The following RAB27B variants were observed in gnomAD, a reference collection of about 807,000 sequenced individuals.
RAB27B encodes the protein RAB27B, member RAS oncogene family.
RAB27B carries 15 observed loss-of-function variants against 24.6 expected under a neutral mutation model. The observed-to-expected ratio is 0.61, with a 90% CI of 0.41 to 0.94. The LOEUF is 0.94. Ranked by LOEUF, RAB27B falls within the 40% of genes least tolerant of loss-of-function variation. The pLI is 0.00. For synonymous variants in RAB27B, 105 were observed against 92.5 expected (o/e 1.14, Z -0.78); for missense variants, 261 against 266.8 (o/e 0.98, Z 0.15).
chr18:54,831,040 T>G (rs1171575714), intron 1 of RAB27B, among the ~76,000 whole-genome samples: 10 of 152,170 alleles, frequency 6.6e-5, no homozygotes, highest in Admixed American at 4.6e-4. Context: ...CTTGTAGAGC[T>G]TATCTTTTAC....
intron 2 of RAB27B, among the ~76,000 whole-genome samples, chr18:54,761,515 C>T (rs1206349422): frequency 6.6e-6 from 1 of 152,116 alleles, no homozygotes; most frequent in Non-Finnish European, 1.5e-5. Flanking sequence ...GGAAATGTTA[C>T]CCTACTTCCC....
At chr18:54,789,577 A>G (rs4801073) in intron 2 of RAB27B, among the ~76,000 whole-genome samples, 68,912 of 151,892 alleles carry the variant, frequency 0.45, 17,465 homozygotes, top group Middle Eastern at 0.59. Flanking sequence ...TTACCTCTAC[A>G]TTCTTTTTTC....
chr18:54,807,122 A>G (rs1909815304), intron 2 of RAB27B, among the ~76,000 whole-genome samples: 2 of 152,080 alleles, frequency 1.3e-5, no homozygotes, highest in Non-Finnish European at 2.9e-5. Flanking sequence ...GATGGTCTCA[A>G]TCTCTTGACC....
intron 2 of RAB27B, among the ~76,000 whole-genome samples, chr18:54,807,144 C>T (rs1220102238): frequency 5.9e-5 from 9 of 152,166 alleles, no homozygotes; most frequent in Non-Finnish European, 1.3e-4. Flanking sequence ...TGTGATCTGC[C>T]GGCGTTGGCC....
intron 2 of RAB27B, among the ~76,000 whole-genome samples, chr18:54,818,786 A>G (rs1430752391): frequency 6.6e-6 from 1 of 152,230 alleles, no homozygotes; most frequent in South Asian, 2.1e-4. Flanking sequence ...GAGAAATGCA[A>G]GAAAATGAGA....
chr18:54,874,792 T>C (rs1912625611), intron 1 of RAB27B, among the ~76,000 whole-genome samples: 1 of 152,164 alleles, frequency 6.6e-6, no homozygotes, highest in African/African-American at 2.4e-5. Context: ...TTCTGAAAAT[T>C]AACAGTTTCA....
chr18:54,890,581 T>G lies in RAB27B; in HGVS notation c.*1168T>G, dbSNP rs1599001748. 6.6e-6 allele frequency: 1 copy of G among 152,308 alleles called. No homozygotes were observed. The highest frequency in any genetic ancestry group is 1.9e-4 in the East Asian group (1 of 5,188). 9.4% of individuals were successfully genotyped at this position (152,308 alleles called of 1,614,324 possible). A position where few individuals can be genotyped will look rare whatever the true frequency, so the allele number is the denominator to read the frequency against. On this transcript the variant is annotated 3_prime_UTR_variant, in exon 6 of 6. Coordinates refer to ENST00000262094, the MANE Select transcript of RAB27B (RefSeq NM_004163.4). Reference sequence around the variant, plus strand: ...GCAGAAATGCAGGTGTGTTACTTTGTTGATCAATAACTTTGGAACAATTAT... The same window carrying G: ...GCAGAAATGCAGGTGTGTTACTTTGGTGATCAATAACTTTGGAACAATTAT...
chr18:54,839,598 G>T (rs1911029609), intron 1 of RAB27B, among the ~76,000 whole-genome samples: 1 of 152,040 alleles, frequency 6.6e-6, no homozygotes, highest in African/African-American at 2.4e-5. Context: ...AAATACAAGG[G>T]CAGAAAAGAA....
intron 2 of RAB27B, among the ~76,000 whole-genome samples, chr18:54,812,282 CT>C (rs10708455): frequency 0.23 from 34,629 of 151,754 alleles, 4,215 homozygotes; most frequent in East Asian, 0.41. Context: ...TCCGGGTTCT[CT>C]TTTTTTGTTG....
intron 1 of RAB27B, among the ~76,000 whole-genome samples, chr18:54,862,876 TAAC>T (rs1347381702): frequency 4.6e-5 from 7 of 152,226 alleles, no homozygotes; most frequent in African/African-American, 1.7e-4. Flanking sequence ...CTTTGTCAAA[TAAC>T]AAACATTTCT....
intron 1 of RAB27B, among the ~76,000 whole-genome samples, chr18:54,833,838 A>G (rs921322143): frequency 7.2e-5 from 11 of 152,130 alleles, no homozygotes; most frequent in African/African-American, 2.7e-4. Context: ...AGAAACTGAG[A>G]AAAGGAGTTT....
intron 2 of RAB27B, among the ~76,000 whole-genome samples, chr18:54,803,773 G>A (rs148557531): frequency 1.2e-3 from 182 of 152,294 alleles, no homozygotes; most frequent in African/African-American, 4.2e-3. Context: ...TTGGACTTAA[G>A]CAACTGGGGG....
rs555236434 is a variant in RAB27B, at chr18:54,800,472, C to A, written c.-19-77095C>A. Among the ~76,000 whole-genome samples the A allele has an allele frequency of 2.6e-5, 4 of 152,322 alleles. No individual in the cohort carries two copies. The South Asian group carries it at 8.3e-4, about 32-fold the overall frequency. On this transcript the variant is annotated intron_variant, in intron 2 of 4. Coordinates refer to the RAB27B transcript ENST00000586570. Reference sequence around the variant, plus strand: ...TCCTCCCCACCAATGCTCCACAGCACTGGGCATTAATTCCTTTTTAGTATA... The same window carrying A: ...TCCTCCCCACCAATGCTCCACAGCAATGGGCATTAATTCCTTTTTAGTATA...
intron 2 of RAB27B, among the ~76,000 whole-genome samples, chr18:54,768,511 C>A (rs567389338): frequency 6.6e-6 from 1 of 152,102 alleles, no homozygotes; most frequent in Admixed American, 6.6e-5. Context: ...TTTGATTCCA[C>A]CTTTGCCTCT....
intron 1 of RAB27B, among the ~76,000 whole-genome samples, chr18:54,869,777 T>A (rs1445618667): frequency 3.3e-5 from 5 of 152,278 alleles, no homozygotes; most frequent in Admixed American, 3.3e-4. Context: ...GAATTAGAAA[T>A]GTCAAGTAGG....
chr18:54,735,136 G>T (rs772098442), intron 2 of RAB27B, among the ~76,000 whole-genome samples: 11 of 152,052 alleles, frequency 7.2e-5, no homozygotes, highest in East Asian at 1.9e-4. Context: ...AAAATTATTT[G>T]CATATCTAAC....
At chr18:54,887,847 A>T (rs1455022863) in intron 4 of RAB27B, 148 bp from the exon 5 acceptor site, 2 of 809,416 alleles carry the variant, frequency 2.5e-6, no homozygotes, top group African/African-American at 1.7e-5. Context: ...GCACATTGTG[A>T]CTGGGAAGAG....
rs74180479 is a variant in RAB27B at position 54,810,833 on chromosome 18, A to AAAATAAATAAATAAAT, written c.-19-66699_-19-66684dup. Among the ~76,000 whole-genome samples, 7 of 140,182 alleles carry AAAATAAATAAATAAAT rather than the reference A, an allele frequency of 5.0e-5. No homozygotes were observed. In the East Asian group the frequency reaches 6.4e-4, roughly 13 times the overall value. The allele number at this position is 140,182 out of a possible 152,430, so 92.0% of individuals were successfully genotyped here. A position where few individuals can be genotyped will look rare whatever the true frequency, so the allele number is the denominator to read the frequency against. ...GGGCAACAGAGCAAGACCCTGTCTC[A>AAAATAAATAAATAAAT]AAATAAATAAATAAATAAATAAATA... On this transcript the variant is annotated intron_variant, in intron 2 of 4. Coordinates refer to the RAB27B transcript ENST00000586570.
intron 2 of RAB27B, among the ~76,000 whole-genome samples, chr18:54,809,965 A>T (rs1380121812): frequency 1.3e-5 from 2 of 152,212 alleles, no homozygotes. Context: ...AATAATCATA[A>T]TTTTATTATT....
Sources: gnomAD v4.1 joint callset for allele counts (sites outside exome capture counted in the v4.1 genomes callset) on GRCh38, gnomAD v4.1.1 for gene constraint, MANE v1.5 for transcripts, NCBI Gene and HGNC (gene_info 2026-07-23, HGNC 2026-07-21) for gene names.